The following HS3ST5 variants were observed in gnomAD, a reference collection of about 807,000 sequenced individuals.
HS3ST5 encodes heparan sulfate glucosamine 3-O-sulfotransferase 5.
HS3ST5 carries 10 observed loss-of-function variants against 25.4 expected under a neutral mutation model. That is an observed-to-expected ratio of 0.39 (90% CI 0.24 to 0.67). The LOEUF is 0.67. HS3ST5 is among the 30% of genes least tolerant of loss of function. The pLI is 0.44. For synonymous variants in HS3ST5, 170 were observed against 162.4 expected (o/e 1.05, Z -0.36); for missense variants, 324 against 420.7 (o/e 0.77, Z 2.01).
At chr6:114,179,971 A>G (rs918278717) in intron 2 of HS3ST5, among the ~76,000 whole-genome samples, 13 of 151,610 alleles carry the variant, frequency 8.6e-5, no homozygotes, top group African/African-American at 2.9e-4. Flanking sequence ...AGAAAGATGA[A>G]GGCCAGAAGA....
intron 2 of HS3ST5, among the ~76,000 whole-genome samples, 167 bp from the exon 3 acceptor site, chr6:114,168,629 C>A (rs564336598): frequency 1.3e-5 from 2 of 152,174 alleles, no homozygotes; most frequent in East Asian, 3.9e-4. Context: ...TACTTCCAGT[C>A]CTTTATTGAA....
intron 2 of HS3ST5, among the ~76,000 whole-genome samples, chr6:114,193,174 C>G (rs1433177518): frequency 1.3e-5 from 2 of 152,180 alleles, no homozygotes; most frequent in East Asian, 1.9e-4. Context: ...GGGTGGAACC[C>G]TGGAGATGAA....
intron 3 of HS3ST5, among the ~76,000 whole-genome samples, chr6:114,078,270 G>A (rs909304126): frequency 2.5e-4 from 38 of 151,858 alleles, no homozygotes; most frequent in African/African-American, 8.7e-4. Context: ...ACATTGGTGC[G>A]ATATCTGCTC....
At chr6:114,333,503 G>A (rs1411832505) in intron 1 of HS3ST5, among the ~76,000 whole-genome samples, 1 of 152,156 alleles carries the variant, frequency 6.6e-6, no homozygotes, top group African/African-American at 2.4e-5. Flanking sequence ...AACTCCCAAA[G>A]TAAATGCTGC....
intron 3 of HS3ST5, among the ~76,000 whole-genome samples, chr6:114,077,817 T>C (rs1251819870): frequency 6.6e-6 from 1 of 152,242 alleles, no homozygotes; most frequent in East Asian, 1.9e-4. Flanking sequence ...GAAATGTGTA[T>C]ATAAATGGCT....
chr6:114,270,070 C>T (rs1020784791), intron 1 of HS3ST5, among the ~76,000 whole-genome samples: 4 of 152,104 alleles, frequency 2.6e-5, no homozygotes, highest in African/African-American at 4.8e-5. Flanking sequence ...AGATTAGCTG[C>T]GGTGGCACCA....
chr6:114,230,534 A>G (rs1468405309), intron 1 of HS3ST5, among the ~76,000 whole-genome samples: 1 of 151,422 alleles, frequency 6.6e-6, no homozygotes, highest in African/African-American at 2.4e-5. Flanking sequence ...AGACTCTTTA[A>G]TAGATTTCTC....
At chr6:114,315,528 T>C (rs1582810835) in intron 1 of HS3ST5, among the ~76,000 whole-genome samples, 1 of 152,192 alleles carries the variant, frequency 6.6e-6, no homozygotes. Context: ...ATTTTAATCA[T>C]TTCATCTGAG....
At chr6:114,276,846 AT>A (rs1773879190) in intron 1 of HS3ST5, among the ~76,000 whole-genome samples, 2 of 151,968 alleles carry the variant, frequency 1.3e-5, no homozygotes, top group South Asian at 4.1e-4. Context: ...CCTACCTTGC[AT>A]AAAATATTTG....
chr6:114,320,605 A>G (rs1193392393), intron 1 of HS3ST5, among the ~76,000 whole-genome samples: 1 of 152,066 alleles, frequency 6.6e-6, no homozygotes, highest in East Asian at 1.9e-4. Context: ...TTTTGGTAGC[A>G]GTATCGGGGT....
intron 1 of HS3ST5, among the ~76,000 whole-genome samples, chr6:114,238,458 T>A (rs1232035323): frequency 6.6e-6 from 1 of 152,138 alleles, no homozygotes; most frequent in African/African-American, 2.4e-5. Flanking sequence ...AGGAAAAAAA[T>A]ATTTTTTGTG....
chr6:114,159,816 T>C (rs759829063), intron 3 of HS3ST5, among the ~76,000 whole-genome samples: 2 of 152,234 alleles, frequency 1.3e-5, no homozygotes, highest in Admixed American at 1.3e-4. Flanking sequence ...TGAATCTTAA[T>C]TCTGCTAAAA....
chr6:114,075,714 G>T (rs1774086162), intron 3 of HS3ST5, among the ~76,000 whole-genome samples: 1 of 152,156 alleles, frequency 6.6e-6, no homozygotes, highest in African/African-American at 2.4e-5. Context: ...CTTCACAGTG[G>T]TACCTCCTTT....
intron 3 of HS3ST5, among the ~76,000 whole-genome samples, chr6:114,121,019 T>C (rs1562204831): frequency 6.6e-6 from 1 of 152,236 alleles, no homozygotes; most frequent in Non-Finnish European, 1.5e-5. Flanking sequence ...GAAGAATAAT[T>C]GCACCTTTGG....
intron 3 of HS3ST5, among the ~76,000 whole-genome samples, chr6:114,135,653 C>T (rs1338919202): frequency 6.6e-6 from 1 of 152,206 alleles, no homozygotes; most frequent in African/African-American, 2.4e-5. Flanking sequence ...TCATCTTTTT[C>T]TGTGATGTTT....
chr6:114,091,640 C>T (rs561113108), intron 3 of HS3ST5, among the ~76,000 whole-genome samples: 145 of 151,806 alleles, frequency 9.6e-4, no homozygotes, highest in Admixed American at 3.0e-3. Context: ...GCCGAGATTG[C>T]GCCACTGCAC....
chr6:114,280,691 G>A (rs191597377), intron 1 of HS3ST5, among the ~76,000 whole-genome samples: 53 of 152,136 alleles, frequency 3.5e-4, no homozygotes, highest in Admixed American at 6.5e-4. Flanking sequence ...CAGTAAATAA[G>A]AGACTTCATC....
At chr6:114,112,586 T>G (rs1776320576) in intron 3 of HS3ST5, 1 of 152,178 alleles carries the variant, frequency 6.6e-6, no homozygotes, top group Non-Finnish European at 1.5e-5. Flanking sequence ...ATCTACTTAC[T>G]CTCTGCCAGC....
At chr6:114,103,981 G>T (rs1384873780) in intron 3 of HS3ST5, among the ~76,000 whole-genome samples, 2 of 151,382 alleles carry the variant, frequency 1.3e-5, no homozygotes, top group Non-Finnish European at 2.9e-5. Context: ...AATTACAGGC[G>T]TGAGCCACTG....
Sources: gnomAD v4.1 joint callset for allele counts (sites outside exome capture counted in the v4.1 genomes callset) on GRCh38, gnomAD v4.1.1 for gene constraint, MANE v1.5 for transcripts, NCBI Gene and HGNC (gene_info 2026-07-23, HGNC 2026-07-21) for gene names.